The following PRR16 variants were observed in gnomAD, a reference collection of about 807,000 sequenced individuals.
PRR16 encodes protein Largen.
Under a neutral mutation model 18.2 loss-of-function variants are expected in PRR16, and 6 were observed. The observed-to-expected ratio is 0.33, with a 90% CI of 0.18 to 0.65. The LOEUF is 0.65. Among genes scored for constraint, PRR16 ranks in the 30% least tolerant of loss-of-function variants. The pLI is 0.74. For missense variants in PRR16, 412 were observed against 376.6 expected, an observed-to-expected ratio of 1.09 and a Z score of -0.78; for synonymous variants, 151 against 147.8, an observed-to-expected ratio of 1.02 and a Z score of -0.16.
At chr5:120,702,974 T>G in the PRR16 span, among the ~76,000 whole-genome samples, 4 of 152,160 alleles carry the variant, frequency 2.6e-5, no homozygotes, top group Non-Finnish European at 4.4e-5. Flanking sequence ...TGCACGTCCG[T>G]GTGAAGAGAC....
At chr5:120,696,745 A>T in the PRR16 span, among the ~76,000 whole-genome samples, 1 of 151,306 alleles carries the variant, frequency 6.6e-6, no homozygotes, top group Non-Finnish European at 1.5e-5. Flanking sequence ...AACCAACAAA[A>T]AGAAGGAGAG....
At chr5:120,632,489 A>G (rs1206287088) in intron 1 of PRR16, among the ~76,000 whole-genome samples, 3 of 152,090 alleles carry the variant, frequency 2.0e-5, no homozygotes, top group Admixed American at 6.5e-5. Flanking sequence ...ATGATACAAG[A>G]TATAAAAAGA....
chr5:120,722,566 A>T, the PRR16 span, among the ~76,000 whole-genome samples: 2 of 152,012 alleles, frequency 1.3e-5, no homozygotes, highest in African/African-American at 4.8e-5. Flanking sequence ...TCTCAAGCCA[A>T]TGGAAAATCC....
At chr5:120,741,929 T>C in the PRR16 span, among the ~76,000 whole-genome samples, 1 of 152,114 alleles carries the variant, frequency 6.6e-6, no homozygotes, top group African/African-American at 2.4e-5. Flanking sequence ...TACTATAAGA[T>C]TTAGAAAGTT....
the PRR16 span, among the ~76,000 whole-genome samples, chr5:120,767,362 A>G: frequency 3.3e-5 from 5 of 151,924 alleles, no homozygotes; most frequent in Non-Finnish European, 7.4e-5. Context: ...AAACCTTCAC[A>G]AAGTTCTATG....
intron 1 of PRR16, among the ~76,000 whole-genome samples, chr5:120,563,228 G>A (rs1375302145): frequency 6.6e-6 from 1 of 152,168 alleles, no homozygotes; most frequent in African/African-American, 2.4e-5. Flanking sequence ...ACCAAGGCCT[G>A]CTGTAACCAC....
chr5:120,495,339 T>G (rs1750208064), intron 1 of PRR16, among the ~76,000 whole-genome samples: 1 of 152,122 alleles, frequency 6.6e-6, no homozygotes, highest in South Asian at 2.1e-4. Context: ...AGTCTCTTGG[T>G]ATCCATGGAG....
chr5:120,605,193 T>C (rs1402825020), intron 1 of PRR16, among the ~76,000 whole-genome samples: 1 of 152,210 alleles, frequency 6.6e-6, no homozygotes, highest in East Asian at 1.9e-4. Context: ...CAATGAGTTA[T>C]AGGTGTGGTC....
At chr5:120,737,265 T>A in the PRR16 span, among the ~76,000 whole-genome samples, 1 of 150,318 alleles carries the variant, frequency 6.7e-6, no homozygotes, top group South Asian at 2.1e-4. Context: ...ATATATGGCT[T>A]TAGTGGGTTG....
At chr5:120,594,815 C>A (rs768381747) in intron 1 of PRR16, among the ~76,000 whole-genome samples, 27 of 152,012 alleles carry the variant, frequency 1.8e-4, no homozygotes, top group Non-Finnish European at 3.2e-4. Flanking sequence ...ATACCTAAAG[C>A]CATCGATCTT....
At chr5:120,580,979 A>G (rs543525284) in intron 1 of PRR16, among the ~76,000 whole-genome samples, 40 of 152,086 alleles carry the variant, frequency 2.6e-4, no homozygotes, top group Non-Finnish European at 5.3e-4. Context: ...ATTGGCCTGA[A>G]GTATTTTGTG....
At chr5:120,746,787 C>T in the PRR16 span, among the ~76,000 whole-genome samples, 2 of 152,112 alleles carry the variant, frequency 1.3e-5, no homozygotes, top group Admixed American at 6.6e-5. Flanking sequence ...GAGGAATACT[C>T]ATTTTCAGGA....
At chr5:120,645,921 G>A (rs947741180) in intron 1 of PRR16, among the ~76,000 whole-genome samples, 1 of 151,708 alleles carries the variant, frequency 6.6e-6, no homozygotes, top group Non-Finnish European at 1.5e-5. Context: ...TAGCCCAGGA[G>A]TCTTCCCTTC....
At chr5:120,736,537 C>CTTTTTTT in the PRR16 span, among the ~76,000 whole-genome samples, 2 of 54,020 alleles carry the variant, frequency 3.7e-5, no homozygotes, top group African/African-American at 7.8e-5. Flanking sequence ...AGTGTAAAGG[C>CTTTTTTT]TTTTTTTTTT....
chr5:120,508,430 G>T (rs1258829047), intron 1 of PRR16, among the ~76,000 whole-genome samples: 1 of 152,120 alleles, frequency 6.6e-6, no homozygotes, highest in Non-Finnish European at 1.5e-5. Context: ...AAAGGAGAAT[G>T]TGTGGAGTCT....
In PRR16 at chr5:120,641,419, T is replaced by C. The variant is rs1204294386; in HGVS notation, c.160-44535T>C. Among the ~76,000 whole-genome samples the C allele has an allele frequency of 3.9e-5, 6 of 152,128 alleles. No individual in the cohort carries two copies. The South Asian group carries it at 1.2e-3, about 32-fold the overall frequency. On this transcript the variant is annotated intron_variant, in intron 1 of 1. Coordinates refer to ENST00000407149, the MANE Select transcript of PRR16 (RefSeq NM_001300783.2). ...TAAGTACTGTATAGTTTCTAAGAAA[T>C]TGCAAGGGCATAGGAAAGGGAAGAA...
intron 1 of PRR16, among the ~76,000 whole-genome samples, chr5:120,667,660 G>T (rs1032522407): frequency 3.3e-5 from 5 of 151,386 alleles, no homozygotes; most frequent in Admixed American, 3.3e-4. Flanking sequence ...TTGTGTCTTT[G>T]TTCTCGTTGG....
At chr5:120,638,520 C>T (rs62377761) in intron 1 of PRR16, among the ~76,000 whole-genome samples, 27,141 of 151,970 alleles carry the variant, frequency 0.18, 3,168 homozygotes, top group Non-Finnish European at 0.26. Flanking sequence ...TTATTTAAGT[C>T]TAACAAGGTC....
chr5:120,528,954 G>T (rs1751458221), intron 1 of PRR16, among the ~76,000 whole-genome samples: 1 of 152,182 alleles, frequency 6.6e-6, no homozygotes, highest in African/African-American at 2.4e-5. Context: ...GCCTGCCACA[G>T]ATTTACTTGG....
Sources: gnomAD v4.1 joint callset for allele counts (sites outside exome capture counted in the v4.1 genomes callset) on GRCh38, gnomAD v4.1.1 for gene constraint, MANE v1.5 for transcripts, NCBI Gene and HGNC (gene_info 2026-07-23, HGNC 2026-07-21) for gene names.